Variants in KCP observed in about 807,000 individuals in gnomAD.
KCP encodes kielin/chordin-like protein.
A neutral mutation model predicts 212.7 loss-of-function variants in KCP; 194 were observed. The ratio of observed to expected loss-of-function variants is 0.91; its 90% CI spans 0.81 to 1.03. The LOEUF (loss-of-function observed/expected upper bound fraction) is 1.03, where lower values mean the gene tolerates loss of function less well. Among genes scored for constraint, KCP ranks in the 50% least tolerant of loss-of-function variants. KCP has a pLI of 0.00. For synonymous variants in KCP, 833 were observed against 865.3 expected (o/e 0.96, Z 0.65); for missense variants, 2,080 against 2,162.5 (o/e 0.96, Z 0.76).
At chr7:128,879,859 G>A (rs1793212726) in intron 35 of KCP, 30 bp from the exon 36 acceptor site, 3 of 1,550,942 alleles carry the variant, frequency 1.9e-6, no homozygotes, top group African/African-American at 1.4e-5. Flanking sequence ...AGGTGCCAAT[G>A]GTCAGCAGGG....
intron 21 of KCP, among the ~76,000 whole-genome samples, 160 bp from the exon 22 acceptor site, chr7:128,889,199 G>A (rs149436845): frequency 1.2e-4 from 18 of 150,412 alleles, no homozygotes; most frequent in Admixed American, 1.1e-3. Context: ...CAAAGCAGTC[G>A]TGAGGGGGGC....
intron 34 of KCP, 139 bp from the exon 35 acceptor site, chr7:128,880,224 G>T: frequency 7.8e-7 from 1 of 1,278,620 alleles, no homozygotes; most frequent in Non-Finnish European, 1.1e-6. Flanking sequence ...TGTGAGTGAG[G>T]TCAGGGCACC....
intron 22 of KCP, among the ~76,000 whole-genome samples, chr7:128,888,203 C>G (rs1398462730): frequency 6.6e-6 from 1 of 151,314 alleles, no homozygotes; most frequent in Non-Finnish European, 1.5e-5. Context: ...CATACACACA[C>G]AGATACACAG....
At chr7:128,886,004 T>G (rs1439607368) in intron 26 of KCP, among the ~76,000 whole-genome samples, 1 of 152,138 alleles carries the variant, frequency 6.6e-6, no homozygotes, top group Non-Finnish European at 1.5e-5. Context: ...GGTATCTTGA[T>G]GATGATGATG....
At position 128,908,307 on chromosome 7, in the gene KCP, G is replaced by GAAAGT. The variant is rs1554420571; in HGVS notation, c.219+118_219+119insACTTT. The GAAAGT allele has an allele frequency of 7.3e-5, 29 of 396,962 alleles. No individual in the cohort carries two copies. The African/African-American group carries it at 8.1e-4, about 11-fold the overall frequency. 24.6% of individuals were successfully genotyped at this position (396,962 alleles called of 1,614,324 possible). ...GAAAGAAAGAAAGAAAGAAAGAAAG[G>GAAAGT]GAATTGTTCAGATAAGAGCTCTATT... On this transcript the variant is annotated intron_variant, in intron 2 of 39. Transcript: ENST00000610776.
In KCP at chr7:128,892,927, G is replaced by T; in HGVS notation, c.1362C>A (p.Pro454=). 1 of 1,501,986 alleles carries T rather than the reference G, an allele frequency of 6.7e-7. No homozygotes were observed. Among genetic ancestry groups the T allele is most frequent in the Admixed American group, 2.0e-5 (1 of 50,950 alleles). The allele number at this position is 1,501,986 out of a possible 1,614,324, so 93.0% of individuals were successfully genotyped here. ...CTACVCQDGV[P]KCGAVLCPPA... ...GGGGGCAGAGCACAGCCCCGCACTT[G>T]GGTACCCCATCTTGACAGACGCAGG... The change falls in exon 14 of 40, where the codon CCC becomes CCA. Residue 454 remains proline, a synonymous_variant. Transcript: ENST00000610776.
chr7:128,908,902 C>T (rs925138050), intron 1 of KCP, among the ~76,000 whole-genome samples: 4 of 152,236 alleles, frequency 2.6e-5, no homozygotes, highest in African/African-American at 7.2e-5. Flanking sequence ...AGGACAACTG[C>T]TCCCGCCCCC....
intron 1 of KCP, among the ~76,000 whole-genome samples, chr7:128,909,162 A>G (rs374153663): frequency 1.3e-5 from 2 of 152,214 alleles, no homozygotes; most frequent in African/African-American, 4.8e-5. Context: ...AGGGGCGGCC[A>G]CTTTCACCTT....
Position 128,877,129 on chromosome 7 carries a change from CG to C in KCP, c.4800del (p.Glu1601ArgfsTer53). On this transcript the variant is annotated frameshift_variant, in exon 40 of 40. Transcript: ENST00000610776. LOFTEE classifies it low-confidence loss of function (END_TRUNC). ...LVEHEAHCIPPEACPQVLLTG... is the reference protein window; with the variant it reads ...LVEHEAHCIPXEACPQVLLTG... ...GTGAGCAGGACTTGGGGGCAGGCCT[CG>C]GGTGGGATGCAGTGGGCCTCATGCT... The C allele has an allele frequency of 6.6e-7, 1 of 1,510,352 alleles. No individual in the cohort carries two copies. The highest frequency in any genetic ancestry group is 8.8e-7 in the Non-Finnish European group (1 of 1,131,178). The allele number at this position is 1,510,352 out of a possible 1,614,324, so 93.6% of individuals were successfully genotyped here. A position where few individuals can be genotyped will look rare whatever the true frequency, so the allele number is the denominator to read the frequency against.
At chr7:128,909,623 G>T (rs1795326203) in intron 1 of KCP, among the ~76,000 whole-genome samples, 1 of 151,982 alleles carries the variant, frequency 6.6e-6, no homozygotes, top group Non-Finnish European at 1.5e-5. Flanking sequence ...TCTCCATTCA[G>T]AAGGCTGAAG....
chr7:128,901,620 C>A (rs141431874), intron 8 of KCP, among the ~76,000 whole-genome samples: 5 of 146,394 alleles, frequency 3.4e-5, no homozygotes, highest in Non-Finnish European at 7.4e-5. Flanking sequence ...AGCAAGACTC[C>A]GCCTCAAAAA....
At chr7:128,878,259 TG>T (rs1320898816) in intron 38 of KCP, among the ~76,000 whole-genome samples, 1 of 152,094 alleles carries the variant, frequency 6.6e-6, no homozygotes, top group Non-Finnish European at 1.5e-5. Context: ...GGTTTCTCCA[TG>T]TTGGTCAGGC....
At chr7:128,910,091 G>C (rs1251076189) in intron 1 of KCP, among the ~76,000 whole-genome samples, 4 of 152,180 alleles carry the variant, frequency 2.6e-5, no homozygotes, top group Non-Finnish European at 5.9e-5. Flanking sequence ...GGGACCCCTA[G>C]GTGAAGCTAG....
At chr7:128,904,685 C>T (rs1022387812) in intron 5 of KCP, among the ~76,000 whole-genome samples, 3 of 152,204 alleles carry the variant, frequency 2.0e-5, no homozygotes. Flanking sequence ...GCCATGTTTC[C>T]CCAACCCCGT....
At chr7:128,903,637 A>G (rs1167497652) in intron 7 of KCP, 90 bp downstream of exon 7, 1 of 1,098,156 alleles carries the variant, frequency 9.1e-7, no homozygotes, top group Non-Finnish European at 1.3e-6. Context: ...GACCAAACCC[A>G]CTGGAGGCCG....
intron 31 of KCP, 120 bp from the exon 32 acceptor site, chr7:128,881,205 G>A (rs1042216316): frequency 1.6e-4 from 65 of 398,958 alleles, no homozygotes; most frequent in African/African-American, 1.1e-3. Flanking sequence ...CCACCCTGAT[G>A]GTGTTGATTT....
At position 128,888,986 on chromosome 7, in the gene KCP, G is replaced by C. The variant is rs763855299; in HGVS notation, c.2389C>G (p.Arg797Gly). The change falls in exon 22 of 40, where the codon CGA becomes GGA. Residue 797 changes from arginine (R) to glycine (G), a missense_variant. Physicochemically the swap from Arg to Gly is moderately radical, Grantham distance 125. Transcript: ENST00000610776. The stretch of plus-strand genomic sequence containing the variant: ...CAGGTACACAGGTTGCAGGGTTCTC[G>C]GGGGTCTGGGAACTCCTGGTTACTC... ...YLSNQEFPDP[R>G]EPCNLCTCLG... is the part of the protein sequence containing the mutation. The C allele has an allele frequency of 7.1e-6, 11 of 1,543,134 alleles. No homozygotes were observed. The South Asian group carries it at 1.1e-4, about 15-fold the overall frequency.
chr7:128,878,851 A>C, intron 37 of KCP, 129 bp from the exon 38 acceptor site: 1 of 944,372 alleles, frequency 1.1e-6, no homozygotes, highest in Non-Finnish European at 1.5e-6. Flanking sequence ...GGACAGGTGG[A>C]GGCTCCCCTT....
chr7:128,893,311 C>T lies in KCP; in HGVS notation c.1194G>A (p.Glu398=). ...LCVRCSCQAG[E]VSCEEQECPV... ...GGCACTCCTGCTCCTCACAGGAGAC[C>T]TCGCCAGCCTAGGAGGGAAGCAGGT... Residue 398 remains glutamate, a synonymous_variant, in exon 13 of 40, where the codon GAG becomes GAA. Transcript: ENST00000610776. 1 of 1,551,546 alleles carries T rather than the reference C, an allele frequency of 6.4e-7. No individual in the cohort carries two copies. The highest frequency in any genetic ancestry group is 8.7e-7 in the Non-Finnish European group (1 of 1,146,922).
Sources: allele counts gnomAD v4.1 joint callset (sites outside exome capture counted in the v4.1 genomes callset), GRCh38; gene constraint gnomAD v4.1.1; transcripts MANE v1.5; gene names NCBI Gene and HGNC (gene_info 2026-07-23, HGNC 2026-07-21).